The following PUDP variants were observed in gnomAD, a reference collection of about 807,000 sequenced individuals.
PUDP encodes pseudouridine 5'-phosphatase.
In PUDP, 8 loss-of-function variants were observed where a neutral mutation model predicts 9.4. The ratio of observed to expected loss-of-function variants is 0.85; its 90% CI spans 0.50 to 1.53. The LOEUF (loss-of-function observed/expected upper bound fraction) is 1.53, where lower values mean the gene tolerates loss of function less well. Among genes scored for constraint, PUDP ranks in the 40% most tolerant of loss-of-function variants. The pLI is 0.00. For synonymous variants in PUDP, 99 were observed against 80.7 expected (o/e 1.23, Z -1.22); for missense variants, 188 against 189.7 (o/e 0.99, Z 0.05).
At chrX:7,096,891 T>C (rs894538090) in intron 2 of PUDP, among the ~76,000 whole-genome samples, 3 of 110,738 alleles carry the variant, frequency 2.7e-5, no homozygotes, top group Admixed American at 1.9e-4. Context: ...TGAAGGGATA[T>C]TCTCCCTACT....
chrX:7,148,099 CG>C lies in PUDP; in HGVS notation c.14del (p.Pro5ArgfsTer41), dbSNP rs1932918300. The C allele has an allele frequency of 8.0e-6, 9 of 1,122,002 alleles. No individual in the cohort carries two copies. The highest frequency in any genetic ancestry group is 9.4e-6 in the Non-Finnish European group (8 of 847,739). The allele number at this position is 1,122,002 out of a possible 1,213,427, so 92.5% of individuals were successfully genotyped here. ...CAAAGATGAGGTGGGTGACGGGCTG[CG>C]GGGGCGCCGCCATGGTGGCGCCTTC... MAAPPQPVTHLIFDM... is the reference protein window; with the variant it reads MAAPXQPVTHLIFDM... On this transcript the variant is annotated frameshift_variant, in exon 1 of 4. Coordinates refer to ENST00000381077, the MANE Select transcript of PUDP (RefSeq NM_012080.5). LOFTEE classifies it high-confidence loss of function.
intron 3 of PUDP, among the ~76,000 whole-genome samples, chrX:6,895,292 C>T (rs781179113): frequency 1.2e-3 from 125 of 105,816 alleles, no homozygotes; most frequent in Middle Eastern, 4.9e-3. Flanking sequence ...ATATAATTAA[C>T]AAATGTAATA....
intron 3 of PUDP, among the ~76,000 whole-genome samples, chrX:6,946,451 G>A (rs1928466122): frequency 8.9e-6 from 1 of 112,036 alleles, no homozygotes; most frequent in Admixed American, 9.5e-5. Flanking sequence ...TGTCAGAACA[G>A]CCACCCTACA....
At chrX:6,923,606 C>CA (rs1389949275) in intron 3 of PUDP, among the ~76,000 whole-genome samples, 2 of 111,494 alleles carry the variant, frequency 1.8e-5, no homozygotes, top group Admixed American at 1.9e-4. Context: ...ATCCAGAAAT[C>CA]AAGTGACTTC....
chrX:6,909,308 T>G (rs1422714829), intron 3 of PUDP, among the ~76,000 whole-genome samples: 1 of 112,071 alleles, frequency 8.9e-6, no homozygotes, highest in Non-Finnish European at 1.9e-5. Flanking sequence ...GATTTCTTCC[T>G]GTCTGCTTTG....
chrX:7,053,882 C>T (rs1930166914), intron 3 of PUDP, among the ~76,000 whole-genome samples: 1 of 111,757 alleles, frequency 8.9e-6, no homozygotes, highest in Non-Finnish European at 1.9e-5. Flanking sequence ...GCAGCTGACA[C>T]CAGCTCTTGG....
intron 2 of PUDP, among the ~76,000 whole-genome samples, chrX:7,102,685 C>T (rs1931774091): frequency 9.1e-6 from 1 of 109,530 alleles, no homozygotes; most frequent in South Asian, 3.8e-4. Flanking sequence ...GAAATCACTA[C>T]AATTCAACAT....
chrX:7,028,719 G>GTGAC (rs763826756), intron 1 of PUDP, among the ~76,000 whole-genome samples: 59 of 111,908 alleles, frequency 5.3e-4, no homozygotes, highest in African/African-American at 1.9e-3. Flanking sequence ...TACAAACCAC[G>GTGAC]TGACTGGGAA....
chrX:6,990,832 G>A (rs1412878542), intron 1 of PUDP, among the ~76,000 whole-genome samples: 1 of 112,752 alleles, frequency 8.9e-6, no homozygotes, highest in Non-Finnish European at 1.9e-5. Context: ...TGGAGAGAGG[G>A]TGTGTGAGGT....
intron 3 of PUDP, among the ~76,000 whole-genome samples, chrX:6,821,166 T>A (rs2146707443): frequency 9.0e-6 from 1 of 110,865 alleles, no homozygotes; most frequent in East Asian, 2.9e-4. Flanking sequence ...GGAGAGAGAT[T>A]CACCCTACAA....
chrX:6,786,102 A>G (rs192815364), intron 3 of PUDP, among the ~76,000 whole-genome samples: 84 of 111,364 alleles, frequency 7.5e-4, no homozygotes, highest in African/African-American at 2.7e-3. Context: ...CATAGCATTG[A>G]CTCTATAGGT....
At chrX:6,774,914 A>G (rs1260369036) in intron 3 of PUDP, among the ~76,000 whole-genome samples, 1 of 112,715 alleles carries the variant, frequency 8.9e-6, no homozygotes, top group African/African-American at 3.2e-5. Context: ...TCTCCAAACT[A>G]TGATATCAGA....
intron 3 of PUDP, among the ~76,000 whole-genome samples, chrX:6,728,038 G>T (rs887408409): frequency 2.7e-5 from 3 of 111,580 alleles, no homozygotes; most frequent in African/African-American, 6.5e-5. Context: ...AGAAAAAGAG[G>T]TTTAATGGAC....
intron 3 of PUDP, among the ~76,000 whole-genome samples, chrX:7,063,648 G>GT (rs1260433159): frequency 1.8e-5 from 2 of 110,986 alleles, no homozygotes; most frequent in Non-Finnish European, 3.8e-5. Context: ...GTATAATATT[G>GT]TTTGTTTGTT....
chrX:7,110,934 G>T (rs1259238986), intron 1 of PUDP, among the ~76,000 whole-genome samples: 1 of 111,492 alleles, frequency 9.0e-6, no homozygotes, highest in Non-Finnish European at 1.9e-5. Flanking sequence ...GTTGCTTCAG[G>T]CCATCTGGAT....
intron 1 of PUDP, among the ~76,000 whole-genome samples, chrX:6,978,753 T>C (rs1928991739): frequency 8.9e-6 from 1 of 112,514 alleles, no homozygotes; most frequent in African/African-American, 3.2e-5. Context: ...TACTGAGAAG[T>C]TGCCAAAAGC....
chrX:6,870,317 T>A lies in PUDP; in HGVS notation c.*247+106816A>T, dbSNP rs1343157223. ...GCTGTGTCCCCACCCAAATCTCATC[T>A]TGAATTTCCACATGTTGTGTGAGGG... On this transcript the variant is annotated intron_variant and NMD_transcript_variant, in intron 3 of 3. Transcript: ENST00000655425. Among the ~76,000 whole-genome samples, 15 of 112,099 alleles carry A rather than the reference T, an allele frequency of 1.3e-4. No homozygotes were observed. In the Admixed American group the frequency reaches 1.4e-3, roughly 11 times the overall value.
chrX:7,096,422 AACACTGAGTAAC>A (rs769047178), intron 2 of PUDP, among the ~76,000 whole-genome samples: 92 of 111,384 alleles, frequency 8.3e-4, no homozygotes, highest in Non-Finnish European at 1.4e-3. Flanking sequence ...TAAATAGTTA[AACACTGAGTAAC>A]GGTTATCTCC....
chrX:7,105,965 T>C, intron 1 of PUDP, 127 bp from the exon 2 acceptor site: 2 of 458,892 alleles, frequency 4.4e-6, no homozygotes, highest in Non-Finnish European at 7.3e-6. Flanking sequence ...GAGACCTAAG[T>C]GAACAGGAGA....
Sources: allele counts gnomAD v4.1 joint callset (sites outside exome capture counted in the v4.1 genomes callset), GRCh38; gene constraint gnomAD v4.1.1; transcripts MANE v1.5; gene names NCBI Gene and HGNC (gene_info 2026-07-23, HGNC 2026-07-21).